The following GREB1 variants were observed in gnomAD, a reference collection of about 807,000 sequenced individuals.
GREB1 encodes the protein growth regulating estrogen receptor binding 1, also known as protein GREB1.
In GREB1, 106 loss-of-function variants were observed where a neutral mutation model predicts 200.7. That is an observed-to-expected ratio of 0.53 (90% CI 0.45 to 0.62). GREB1 has a LOEUF of 0.62. Among genes scored for constraint, GREB1 ranks in the 20% least tolerant of loss-of-function variants. The pLI is 0.00. For synonymous variants in GREB1, 1,132 were observed against 1,092.4 expected, an observed-to-expected ratio of 1.04 and a Z score of -0.72; for missense variants, 2,243 against 2,556.8, an observed-to-expected ratio of 0.88 and a Z score of 2.65.
chr2:11,582,879 T>C (rs965197418), intron 7 of GREB1, among the ~76,000 whole-genome samples: 11 of 152,188 alleles, frequency 7.2e-5, no homozygotes, highest in Admixed American at 1.3e-4. Flanking sequence ...TGGTTCGCAA[T>C]GGAGAAGTGC....
chr2:11,610,706 C>A lies in GREB1; in HGVS notation c.2685C>A (p.Ser895Arg), dbSNP rs62118319. The part of the protein sequence containing the change: ...ALGKRFPRLH[S>R]AVIRTFVLVQ... The stretch of plus-strand genomic sequence containing the variant: ...CTTGCAGGTTCCCCCGCCTGCACAG[C>A]GCGGTGATCAGGACCTTTGTTCTCG... Residue 895 changes from serine to arginine, a missense_variant, in exon 18 of 33, where the codon AGC becomes AGA. By Grantham distance (110) the Ser-to-Arg change is moderately radical (BLOSUM62 -1). Around this residue, in one of 3 missense-constraint regions of GREB1, gnomAD observed 1,178 missense variants for 1,387.4 expected, o/e 0.85. Coordinates refer to ENST00000381486, the MANE Select transcript of GREB1 (RefSeq NM_014668.4). The A allele has an allele frequency of 7.4e-6, 12 of 1,612,366 alleles. No homozygotes were observed. Among genetic ancestry groups the A allele is most frequent in the Non-Finnish European group, 8.5e-6 (10 of 1,179,452 alleles).
intron 1 of GREB1, among the ~76,000 whole-genome samples, chr2:11,541,175 A>G (rs545056127): frequency 3.9e-5 from 6 of 152,296 alleles, no homozygotes; most frequent in African/African-American, 1.4e-4. Flanking sequence ...GGAGAAGGCC[A>G]TCTCCCAGAA....
Position 11,483,687 on chromosome 2 carries a change from GGTGTGTGTGTGTGTGTGTGTGTGTGT to G in GREB1, c.-159+1328_-159+1353del, listed in dbSNP as rs57352590. Among the ~76,000 whole-genome samples, 182 of 132,386 alleles carry G rather than the reference GGTGTGTGTGTGTGTGTGTGTGTGTGT, an allele frequency of 1.4e-3. 3 individuals are homozygous for G. The highest frequency in any genetic ancestry group is 5.4e-4 in the South Asian group (2 of 3,704). The allele number at this position is 132,386 out of a possible 152,430, so 86.9% of individuals were successfully genotyped here. On this transcript the variant is annotated intron_variant, in intron 1 of 2. Transcript: ENST00000628795. ...GCTGCTTCCCCGAAGTACAAGAAGG[GGTGTGTGTGTGTGTGTGTGTGTGTGT>G]GTGTGTGTGTGTGTGTGTGTGGCCC...
intron 4 of GREB1, among the ~76,000 whole-genome samples, chr2:11,573,118 C>A (rs1678479887): frequency 6.6e-6 from 1 of 152,162 alleles, no homozygotes; most frequent in African/African-American, 2.4e-5. Flanking sequence ...TGAACCCAGG[C>A]CCCTCAGACA....
rs754551027 is a variant in GREB1, at chr2:11,588,816, C to T, written c.1230C>T (p.Cys410=). 3 of 1,613,924 alleles carry T rather than the reference C, an allele frequency of 1.9e-6. No homozygotes were observed. Among genetic ancestry groups the T allele is most frequent in the Non-Finnish European group, 2.5e-6 (3 of 1,179,878 alleles). Residue 410 remains cysteine, a synonymous_variant, in exon 10 of 33, where the codon TGC becomes TGT. Coordinates refer to ENST00000381486, the MANE Select transcript of GREB1 (RefSeq NM_014668.4). ...TGGTCAGCCCCCTCTTGTACACGTGCTACCAGAATTCCCAGTCTGTCTCAC... is the reference window on the plus strand; with the variant it reads ...TGGTCAGCCCCCTCTTGTACACGTGTTACCAGAATTCCCAGTCTGTCTCAC... ...DVVVSPLLYT[C]YQNSQSVSRA... is the part of the protein sequence containing the mutation.
intron 1 of GREB1, among the ~76,000 whole-genome samples, chr2:11,484,737 C>T (rs1181000586): frequency 4.6e-5 from 7 of 152,196 alleles, no homozygotes; most frequent in Admixed American, 4.6e-4. Context: ...GAGTTATGAT[C>T]GTGCCACTGC....
At chr2:11,563,461 C>G (rs377135698) in intron 3 of GREB1, among the ~76,000 whole-genome samples, 163 of 152,330 alleles carry the variant, frequency 1.1e-3, no homozygotes, top group African/African-American at 3.7e-3. Context: ...GGTGTACACC[C>G]CTGACTCTGC....
intron 16 of GREB1, among the ~76,000 whole-genome samples, chr2:11,601,813 A>C (rs2148246725): frequency 6.6e-6 from 1 of 152,360 alleles, no homozygotes; most frequent in South Asian, 2.1e-4. Context: ...AGTGGCCAAC[A>C]AGAGTTGGGC....
intron 1 of GREB1, among the ~76,000 whole-genome samples, chr2:11,488,903 C>A (rs6432206): frequency 0.93 from 137,432 of 148,378 alleles, 64,582 homozygotes; most frequent in Non-Finnish European, 1. Context: ...TTGAGAAGCC[C>A]TTTATATGAC....
chr2:11,495,688 G>A (rs542282289), intron 1 of GREB1, among the ~76,000 whole-genome samples: 2 of 152,242 alleles, frequency 1.3e-5, no homozygotes, highest in East Asian at 1.9e-4. Context: ...CACACACCTG[G>A]GAGATGGCTG....
intron 16 of GREB1, among the ~76,000 whole-genome samples, chr2:11,601,691 G>A (rs1172499199): frequency 1.3e-5 from 2 of 152,218 alleles, no homozygotes; most frequent in African/African-American, 4.8e-5. Flanking sequence ...TTGTTCATAA[G>A]GCACTTCCCA....
chr2:11,537,290 A>G (rs1460618048), intron 1 of GREB1, among the ~76,000 whole-genome samples: 1 of 152,138 alleles, frequency 6.6e-6, no homozygotes, highest in Non-Finnish European at 1.5e-5. Flanking sequence ...CCTTTTACAC[A>G]TTTAATTTAT....
chr2:11,492,954 G>T lies in GREB1; in HGVS notation c.-159+10573G>T, dbSNP rs1672803582. ...ACCAGCAAGACTAGGCTTAAACAAT[G>T]GGAGCTGAGGCTCAGCAGCTGGAGA... On this transcript the variant is annotated intron_variant, in intron 1 of 2. Coordinates refer to the GREB1 transcript ENST00000628795. This position sits in a 1 kb window ranked among gnomAD's most constrained non-coding sequence, Gnocchi z 4.0. Among the ~76,000 whole-genome samples, 1 of 152,236 alleles carries T rather than the reference G, an allele frequency of 6.6e-6. No homozygotes were observed. Among genetic ancestry groups the T allele is most frequent in the Non-Finnish European group, 1.5e-5 (1 of 68,038 alleles).
chr2:11,561,253 A>C (rs1676994388), intron 2 of GREB1: 1 of 152,196 alleles, frequency 6.6e-6, no homozygotes, highest in Non-Finnish European at 1.5e-5. Flanking sequence ...CAGTTTAAAA[A>C]AAGCTTCCTA....
intron 2 of GREB1, among the ~76,000 whole-genome samples, chr2:11,558,982 A>AG (rs1676709439): frequency 6.6e-6 from 1 of 152,228 alleles, no homozygotes; most frequent in African/African-American, 2.4e-5. Context: ...TTTTAAAAAA[A>AG]GAGAGATCAA....
chr2:11,631,577 A>ACTATCT (rs1431287022), intron 26 of GREB1, among the ~76,000 whole-genome samples: 9 of 152,284 alleles, frequency 5.9e-5, no homozygotes, highest in African/African-American at 2.2e-4. Flanking sequence ...GTGAGCCAGC[A>ACTATCT]GGTTGTCTGC....
intron 1 of GREB1, among the ~76,000 whole-genome samples, chr2:11,499,479 TAG>T (rs1471017079): frequency 1.3e-5 from 2 of 152,276 alleles, no homozygotes; most frequent in Non-Finnish European, 2.9e-5. Context: ...CCATGGGGAA[TAG>T]AGCCCTGAGC....
intron 17 of GREB1, among the ~76,000 whole-genome samples, chr2:11,607,631 CAT>C (rs1188201092): frequency 1.4e-5 from 2 of 147,158 alleles, no homozygotes; most frequent in African/African-American, 5.0e-5. Context: ...CATATATATA[CAT>C]ATATATATAT....
At chr2:11,512,886 A>G (rs147214226) in intron 1 of GREB1, among the ~76,000 whole-genome samples, 7 of 152,338 alleles carry the variant, frequency 4.6e-5, no homozygotes, top group Non-Finnish European at 5.9e-5. Context: ...GATATGGCTT[A>G]AGACTTATAG....
Sources: allele counts gnomAD v4.1 joint callset (sites outside exome capture counted in the v4.1 genomes callset), GRCh38; gene constraint gnomAD v4.1.1; regional missense constraint gnomAD v4.1.1; non-coding constraint Gnocchi (gnomAD v3.1); transcripts MANE v1.5; gene names NCBI Gene and HGNC (gene_info 2026-07-23, HGNC 2026-07-21).